The following TMED5 variants were observed in gnomAD, a reference collection of about 807,000 sequenced individuals.
TMED5 encodes transmembrane p24 trafficking protein 5.
In TMED5, 27 loss-of-function variants were observed where a neutral mutation model predicts 23.0. The observed-to-expected ratio is 1.17, with a 90% CI of 0.86 to 1.62. The LOEUF (loss-of-function observed/expected upper bound fraction) is 1.62, where lower values mean the gene tolerates loss of function less well. TMED5 is among the 40% of genes most tolerant of loss of function. The probability of loss-of-function intolerance (pLI) is 0.00; values close to 1 mark genes in which losing one functional copy is unlikely to be tolerated. For synonymous variants in TMED5, 97 were observed against 100.8 expected, an observed-to-expected ratio of 0.96 and a Z score of 0.23; for missense variants, 248 against 273.7, an observed-to-expected ratio of 0.91 and a Z score of 0.66.
chr1:93,173,660 GAA>G (rs1439429276), intron 1 of TMED5, among the ~76,000 whole-genome samples: 1 of 152,124 alleles, frequency 6.6e-6, no homozygotes, highest in Non-Finnish European at 1.5e-5. Flanking sequence ...AATTCTTTAA[GAA>G]AAGTCAAGAG....
At position 93,180,385 on chromosome 1, in the gene TMED5, C is replaced by G. The variant is rs1282066508; in HGVS notation, c.-143G>C. ...GTGGCGGCCGCGGCGGCGGCGAACA[C>G]TCCCTCCGAAAGAGAAGCGCAGTTC... On this transcript the variant is annotated 5_prime_UTR_variant, in exon 1 of 4. Coordinates refer to ENST00000370282, the MANE Select transcript of TMED5 (RefSeq NM_016040.5). 2 of 1,250,166 alleles carry G rather than the reference C, an allele frequency of 1.6e-6. No individual in the cohort carries two copies. Among genetic ancestry groups the G allele is most frequent in the African/African-American group, 1.6e-5 (1 of 64,214 alleles). The allele number at this position is 1,250,166 out of a possible 1,614,324, so 77.4% of individuals were successfully genotyped here.
At chr1:93,170,347 G>GC (rs1463398103) in intron 1 of TMED5, among the ~76,000 whole-genome samples, 6 of 152,232 alleles carry the variant, frequency 3.9e-5, no homozygotes, top group African/African-American at 1.4e-4. Context: ...GGGCTCCGCG[G>GC]CCCCGCACTG....
In TMED5 at chr1:93,154,585, A is replaced by G. The variant is rs1647987115; in HGVS notation, c.*85T>C. On this transcript the variant is annotated 3_prime_UTR_variant, in exon 4 of 4. Transcript: ENST00000370282. ...ACTTTTATATCTCAAAATATTTTGGAGAAGACCATTAATGGTCTTGACTGT... is the reference window on the plus strand; with the variant it reads ...ACTTTTATATCTCAAAATATTTTGGGGAAGACCATTAATGGTCTTGACTGT... The G allele has an allele frequency of 1.1e-5, 9 of 854,006 alleles. No individual in the cohort carries two copies. Among genetic ancestry groups the G allele is most frequent in the Non-Finnish European group, 1.6e-5 (9 of 552,760 alleles). The allele number at this position is 854,006 out of a possible 1,614,324, so 52.9% of individuals were successfully genotyped here.
chr1:93,180,393 G>T lies in TMED5; in HGVS notation c.-151C>A, dbSNP rs1034923574. ...CGCGGCGGCGGCGAACACTCCCTCC[G>T]AAAGAGAAGCGCAGTTCTCCAAAGG... On this transcript the variant is annotated 5_prime_UTR_variant, in exon 1 of 4. Transcript: ENST00000370282. 8.1e-7 allele frequency: 1 copy of T among 1,240,648 alleles called. No individual in the cohort carries two copies. The highest frequency in any genetic ancestry group is 1.1e-6 in the Non-Finnish European group (1 of 900,884). The allele number at this position is 1,240,648 out of a possible 1,614,324, so 76.9% of individuals were successfully genotyped here.
chr1:93,151,808 G>A lies in TMED5; in HGVS notation c.*2862C>T, dbSNP rs1647882300. The A allele has an allele frequency of 6.6e-6, 1 of 152,006 alleles. No homozygotes were observed. The highest frequency in any genetic ancestry group is 2.4e-5 in the African/African-American group (1 of 41,380). The allele number at this position is 152,006 out of a possible 1,614,324, so 9.4% of individuals were successfully genotyped here. ...ATTAACTAAATAGAGATGAAGGAAG[G>A]CTTTCAGGAGTAGACAGCATTTACA... On this transcript the variant is annotated 3_prime_UTR_variant, in exon 4 of 4. Coordinates refer to ENST00000370282, the MANE Select transcript of TMED5 (RefSeq NM_016040.5).
At position 93,149,922 on chromosome 1, in the gene TMED5, G is replaced by C. The variant is rs185947087; in HGVS notation, c.*4748C>G. 7 of 152,210 alleles carry C rather than the reference G, an allele frequency of 4.6e-5. No homozygotes were observed. Among genetic ancestry groups the C allele is most frequent in the African/African-American group, 1.7e-4 (7 of 41,534 alleles). 9.4% of individuals were successfully genotyped at this position (152,210 alleles called of 1,614,324 possible). On this transcript the variant is annotated 3_prime_UTR_variant, in exon 4 of 4. Coordinates refer to ENST00000370282, the MANE Select transcript of TMED5 (RefSeq NM_016040.5). Reference sequence around the variant, plus strand: ...ATCTCAGCACTTGGGAAGTTGAGGCGGGCACATCACTTGAGCTTAGGAGTT... The same window carrying C: ...ATCTCAGCACTTGGGAAGTTGAGGCCGGCACATCACTTGAGCTTAGGAGTT...
At position 93,154,860 on chromosome 1, in the gene TMED5, A is replaced by C. The variant is rs745427893; in HGVS notation, c.500T>G (p.Leu167Arg). The change falls in exon 4 of 4, where the codon CTA becomes CGA. Residue 167 changes from leucine (L) to arginine (R), a missense_variant. By Grantham distance (102) the Leu-to-Arg change is moderately radical. Coordinates refer to ENST00000370282, the MANE Select transcript of TMED5 (RefSeq NM_016040.5). The stretch of plus-strand genomic sequence containing the variant: ...AGTTTGTATGTGCCCACTTTTGCTT[A>C]GTCTGGACTTGATGCTGTTGATGGA... ...LESINSIKSR[L>R]SKSGHIQTLL... The C allele has an allele frequency of 8.1e-6, 13 of 1,612,452 alleles. No homozygotes were observed. In the East Asian group the frequency reaches 2.9e-4, roughly 36 times the overall value.
At chr1:93,177,405 C>A (rs1469087993) in intron 1 of TMED5, among the ~76,000 whole-genome samples, 1 of 151,836 alleles carries the variant, frequency 6.6e-6, no homozygotes, top group African/African-American at 2.4e-5. Flanking sequence ...TAGTGAAACC[C>A]CGTCTCTACT....
chr1:93,158,122 CAAAA>C (rs755186139), intron 2 of TMED5, among the ~76,000 whole-genome samples: 3 of 69,718 alleles, frequency 4.3e-5, no homozygotes, highest in Admixed American at 1.5e-4. Context: ...GACTCCGTCT[CAAAA>C]AAAAAAAAAA....
intron 1 of TMED5, chr1:93,162,870 T>C (rs1372200915): frequency 6.6e-6 from 1 of 152,190 alleles, no homozygotes; most frequent in Admixed American, 6.5e-5. Flanking sequence ...ATGTAGTCAA[T>C]GTTCCCAAGT....
chr1:93,176,508 TACAC>T (rs34446908), intron 1 of TMED5, among the ~76,000 whole-genome samples: 1 of 150,054 alleles, frequency 6.7e-6, no homozygotes, highest in Admixed American at 6.6e-5. Flanking sequence ...GCACAGACTA[TACAC>T]ACACACACAC....
Position 93,180,236 on chromosome 1 carries a change from C to T in TMED5, c.7G>A (p.Asp3Asn). ...ACGGGGAAGGGCAGCCAGATCTTGT[C>T]GCCCATCCCTGCTGGGGCGATCCCG... is the stretch of plus-strand genomic sequence containing the variant. MG[D>N]KIWLPFPVLL... is the part of the protein sequence containing the mutation. The change falls in exon 1 of 4, where the codon GAC (aspartate) becomes AAC (asparagine). Residue 3 changes from aspartate (D) to asparagine (N), a missense_variant. Asp to Asn is a conservative substitution (Grantham distance 23). Transcript: ENST00000370282. The T allele has an allele frequency of 6.2e-7, 1 of 1,610,430 alleles. No homozygotes were observed. The highest frequency in any genetic ancestry group is 8.5e-7 in the Non-Finnish European group (1 of 1,178,898).
intron 1 of TMED5, among the ~76,000 whole-genome samples, chr1:93,179,254 C>T (rs1041726913): frequency 1.3e-4 from 20 of 151,444 alleles, no homozygotes; most frequent in Non-Finnish European, 2.9e-5. Flanking sequence ...CTCAGCTACT[C>T]GGAAGGCTGA....
intron 1 of TMED5, among the ~76,000 whole-genome samples, chr1:93,174,384 G>A (rs916029719): frequency 6.6e-6 from 1 of 152,190 alleles, no homozygotes; most frequent in Non-Finnish European, 1.5e-5. Flanking sequence ...GCATGTGCCT[G>A]TAGTCCCAGC....
At chr1:93,175,512 T>C (rs567461608) in intron 1 of TMED5, among the ~76,000 whole-genome samples, 164 of 151,350 alleles carry the variant, frequency 1.1e-3, no homozygotes, top group African/African-American at 3.9e-3. Context: ...CAAAAGACAT[T>C]TTTTCCCAAA....
At chr1:93,156,211 G>T (rs1648069249) in intron 3 of TMED5, 89 bp downstream of exon 3, 3 of 1,269,712 alleles carry the variant, frequency 2.4e-6, no homozygotes, top group African/African-American at 3.0e-5. Flanking sequence ...CCTGGATAAT[G>T]CAGATAAAAT....
At position 93,180,191 on chromosome 1, in the gene TMED5, G is replaced by C. The variant is rs1413607709; in HGVS notation, c.52C>G (p.Pro18Ala). 4.3e-6 allele frequency: 7 copies of C among 1,613,514 alleles called. No homozygotes were observed. Among genetic ancestry groups the C allele is most frequent in the Admixed American group, 1.7e-5 (1 of 59,970 alleles). The change falls in exon 1 of 4, where the codon CCT (proline) becomes GCT (alanine). Residue 18 changes from proline (P) to alanine (A), a missense_variant. Pro to Ala is a conservative substitution (Grantham distance 27). Transcript: ENST00000370282. Reference sequence around the variant, plus strand: ...GCCGCCCCAGGCAGCAGCACCGGAGGCAGAGCGGCCAGAAGGAGCACGGGG... The same window carrying C: ...GCCGCCCCAGGCAGCAGCACCGGAGCCAGAGCGGCCAGAAGGAGCACGGGG... ...PFPVLLLAAL[P>A]PVLLPGAAGF...
At chr1:93,179,522 C>T (rs1407739863) in intron 1 of TMED5, among the ~76,000 whole-genome samples, 2 of 152,140 alleles carry the variant, frequency 1.3e-5, no homozygotes, top group African/African-American at 4.8e-5. Flanking sequence ...AATATAGCAA[C>T]AGCGTCTTCC....
intron 2 of TMED5, among the ~76,000 whole-genome samples, chr1:93,159,792 G>C (rs986203861): frequency 1.3e-5 from 2 of 152,108 alleles, no homozygotes; most frequent in Non-Finnish European, 2.9e-5. Flanking sequence ...CATATACCTG[G>C]AACAGTAGCT....
Sources: gnomAD v4.1 joint callset for allele counts (sites outside exome capture counted in the v4.1 genomes callset) on GRCh38, gnomAD v4.1.1 for gene constraint, MANE v1.5 for transcripts, NCBI Gene and HGNC (gene_info 2026-07-23, HGNC 2026-07-21) for gene names.